SEMA6D: variants seen among roughly 807,000 people sequenced by gnomAD.
SEMA6D encodes the protein semaphorin-6D.
SEMA6D carries 35 observed loss-of-function variants against 106.6 expected under a neutral mutation model. The observed-to-expected ratio is 0.33, with a 90% confidence interval of 0.25 to 0.44. The LOEUF is 0.44. Ranked by LOEUF, SEMA6D falls within the 20% of genes least tolerant of loss-of-function variation. The pLI is 1.00. For synonymous variants in SEMA6D, 499 were observed against 487.7 expected (o/e 1.02, Z -0.31); for missense variants, 1,185 against 1,345.9 (o/e 0.88, Z 1.87).
intron 2 of SEMA6D, among the ~76,000 whole-genome samples, chr15:47,468,515 C>T (rs2042729979): frequency 6.6e-6 from 1 of 152,140 alleles, no homozygotes; most frequent in Admixed American, 6.5e-5. Context: ...TGGTGGCTAA[C>T]CTCAGAAGAG....
intron 1 of SEMA6D, among the ~76,000 whole-genome samples, chr15:47,260,726 A>G (rs1423773355): frequency 6.6e-6 from 1 of 151,954 alleles, no homozygotes; most frequent in Non-Finnish European, 1.5e-5. Flanking sequence ...TTGTCCTGGT[A>G]TTTCTTGGAG....
intron 3 of SEMA6D, among the ~76,000 whole-genome samples, chr15:47,568,198 A>AC: frequency 6.6e-6 from 1 of 151,718 alleles, no homozygotes; most frequent in Non-Finnish European, 1.5e-5. Flanking sequence ...CCATTTAAAA[A>AC]AAAAAAAAAA....
At chr15:47,222,602 G>A (rs1330637418) in intron 1 of SEMA6D, among the ~76,000 whole-genome samples, 2 of 152,096 alleles carry the variant, frequency 1.3e-5, no homozygotes, top group African/African-American at 4.8e-5. Flanking sequence ...CCATCAAGAA[G>A]GTACAGTATC....
At position 47,316,056 on chromosome 15, in the gene SEMA6D, A is replaced by G. The variant is rs192613413; in HGVS notation, c.-238-96337A>G. 4.0e-4 allele frequency among the ~76,000 whole-genome samples: 59 copies of G among 146,762 alleles called. 1 individual carries two copies. Among genetic ancestry groups the G allele is most frequent in the African/African-American group, 1.4e-3 (57 of 39,452 alleles). On this transcript the variant is annotated intron_variant, in intron 1 of 19. Transcript: ENST00000558014. ...TATATGATCATGGCATCTGTAAACA[A>G]GGACAGTTTTATTTCTTGCTTCCCA...
intron 3 of SEMA6D, among the ~76,000 whole-genome samples, chr15:47,563,869 C>T (rs1419562736): frequency 1.3e-5 from 2 of 152,174 alleles, no homozygotes; most frequent in South Asian, 2.1e-4. Context: ...GATAACTCTT[C>T]GGCCAATGTC....
chr15:47,503,707 A>G (rs1439899429), intron 3 of SEMA6D, among the ~76,000 whole-genome samples: 2 of 151,938 alleles, frequency 1.3e-5, no homozygotes, highest in African/African-American at 4.8e-5. Flanking sequence ...ACACACACAC[A>G]CACACACACA....
intron 1 of SEMA6D, among the ~76,000 whole-genome samples, chr15:47,213,345 TA>T (rs1422368238): frequency 6.6e-6 from 1 of 152,234 alleles, no homozygotes; most frequent in African/African-American, 2.4e-5. Flanking sequence ...TTATTCATTT[TA>T]ATTAATCATA....
At chr15:47,297,649 C>T (rs1340668255) in intron 1 of SEMA6D, among the ~76,000 whole-genome samples, 4 of 152,026 alleles carry the variant, frequency 2.6e-5, no homozygotes, top group South Asian at 2.1e-4. Context: ...CAAATAACTA[C>T]GGTTATTACA....
chr15:47,464,857 G>A (rs2042612929), intron 2 of SEMA6D, among the ~76,000 whole-genome samples: 1 of 152,150 alleles, frequency 6.6e-6, no homozygotes, highest in East Asian at 1.9e-4. Context: ...CCACCCCACT[G>A]ATAAAAGGCA....
At chr15:47,288,918 C>G (rs1258841172) in intron 1 of SEMA6D, among the ~76,000 whole-genome samples, 1 of 152,082 alleles carries the variant, frequency 6.6e-6, no homozygotes, top group East Asian at 1.9e-4. Context: ...AATTAGTTTC[C>G]TCCAGAGTTA....
At chr15:47,528,144 A>C (rs543347826) in intron 3 of SEMA6D, among the ~76,000 whole-genome samples, 1 of 152,176 alleles carries the variant, frequency 6.6e-6, no homozygotes, top group Non-Finnish European at 1.5e-5. Context: ...TTAAACTTTA[A>C]TGTGGACACT....
intron 4 of SEMA6D, among the ~76,000 whole-genome samples, chr15:47,657,009 GTGT>G (rs1311471022): frequency 6.6e-6 from 1 of 152,180 alleles, no homozygotes; most frequent in Non-Finnish European, 1.5e-5. Flanking sequence ...GCATCAGGCT[GTGT>G]TGTTGAAATT....
chr15:47,207,993 GCACACACACACACACACACACACACA>G (rs57079521), intron 1 of SEMA6D, among the ~76,000 whole-genome samples: 18 of 89,458 alleles, frequency 2.0e-4, no homozygotes, highest in African/African-American at 4.5e-4. Flanking sequence ...TGGCGCGCGC[GCACACACACACACACACACACACACA>G]CACACACACA....
chr15:47,630,239 T>C (rs997802938), intron 4 of SEMA6D, among the ~76,000 whole-genome samples: 1 of 151,950 alleles, frequency 6.6e-6, no homozygotes, highest in Non-Finnish European at 1.5e-5. Flanking sequence ...TTTTTAGCAA[T>C]AGTTGTTCTA....
intron 3 of SEMA6D, among the ~76,000 whole-genome samples, chr15:47,562,160 T>C (rs764415286): frequency 4.4e-4 from 67 of 152,042 alleles, no homozygotes; most frequent in Non-Finnish European, 6.5e-4. Flanking sequence ...GGGCAACTGA[T>C]TTTCAACAGC....
intron 1 of SEMA6D, among the ~76,000 whole-genome samples, chr15:47,276,056 A>G (rs142578227): frequency 6.6e-6 from 1 of 152,288 alleles, no homozygotes; most frequent in Non-Finnish European, 1.5e-5. Context: ...ATCCAGAGCA[A>G]GACCATGAAT....
rs75356189 is a variant in SEMA6D at position 47,448,258 on chromosome 15, C to T, written c.-158-22216C>T. On this transcript the variant is annotated intron_variant, in intron 2 of 19. Coordinates refer to the SEMA6D transcript ENST00000558014. ...CGACGCCTGGGCCGGGATCTTTGTTCATGCCTGTGTGACAATGAAATGGAG... is the reference window on the plus strand; with the variant it reads ...CGACGCCTGGGCCGGGATCTTTGTTTATGCCTGTGTGACAATGAAATGGAG... 9.1e-3 allele frequency among the ~76,000 whole-genome samples: 1,381 copies of T among 152,216 alleles called. 26 individuals carry two copies. Among genetic ancestry groups the T allele is most frequent in the African/African-American group, 0.031 (1,277 of 41,566 alleles).
At chr15:47,648,778 T>C (rs906269573) in intron 4 of SEMA6D, among the ~76,000 whole-genome samples, 5 of 152,226 alleles carry the variant, frequency 3.3e-5, no homozygotes, top group African/African-American at 1.2e-4. Context: ...TTTCAGTATT[T>C]AATATTAGAA....
chr15:47,369,287 A>G (rs953688319), intron 1 of SEMA6D, among the ~76,000 whole-genome samples: 2 of 152,244 alleles, frequency 1.3e-5, no homozygotes, highest in African/African-American at 4.8e-5. Flanking sequence ...AACATTGTCG[A>G]AAGTTGCATC....
Sources: allele counts gnomAD v4.1 joint callset (sites outside exome capture counted in the v4.1 genomes callset), GRCh38; gene constraint gnomAD v4.1.1; transcripts MANE v1.5; gene names NCBI Gene and HGNC (gene_info 2026-07-23, HGNC 2026-07-21).